Variants in PTCH2 observed in about 807,000 individuals in gnomAD.
PTCH2 encodes the protein patched 2.
PTCH2 carries 96 observed loss-of-function variants against 117.9 expected under a neutral mutation model. The ratio of observed to expected loss-of-function variants is 0.81; its 90% CI spans 0.69 to 0.96. The LOEUF (loss-of-function observed/expected upper bound fraction) is 0.96, where lower values mean the gene tolerates loss of function less well. Among genes scored for constraint, PTCH2 ranks in the 50% least tolerant of loss-of-function variants. The probability of loss-of-function intolerance (pLI) is 0.00; values close to 1 mark genes in which losing one functional copy is unlikely to be tolerated. For missense variants in PTCH2, 1,379 were observed against 1,562.5 expected (o/e 0.88, Z 1.98); for synonymous variants, 615 against 660.9 (o/e 0.93, Z 1.06).
At position 44,827,156 on chromosome 1, in the gene PTCH2, C is replaced by A. The variant is rs757770954; in HGVS notation, c.2514+11G>T. 4 of 1,614,050 alleles carry A rather than the reference C, an allele frequency of 2.5e-6. No homozygotes were observed. The highest frequency in any genetic ancestry group is 1.7e-4 in the Middle Eastern group (1 of 6,060). On this transcript the variant is annotated intron_variant, in intron 16 of 21. Transcript: ENST00000372192. Reference sequence around the variant, plus strand: ...CCCTGTACTAGTGGACCCCTCCAGCCCTCTCCCAACCTGGCTGAAATCCAG... The same window carrying A: ...CCCTGTACTAGTGGACCCCTCCAGCACTCTCCCAACCTGGCTGAAATCCAG...
At chr1:44,842,769 C>T in intron 1 of PTCH2, 92 bp downstream of exon 1, 1 of 1,288,272 alleles carries the variant, frequency 7.8e-7, no homozygotes, top group Non-Finnish European at 1.1e-6. Flanking sequence ...TCTAATGACA[C>T]TCGGCACTTC....
chr1:44,830,148 G>T (rs1177364290), intron 6 of PTCH2, 118 bp from the exon 7 acceptor site: 2 of 1,393,002 alleles, frequency 1.4e-6, no homozygotes, highest in East Asian at 4.7e-5. Flanking sequence ...TGGAGTGTAG[G>T]TAACTATTCT....
At chr1:44,824,281 A>G (rs1444007096) in intron 19 of PTCH2, among the ~76,000 whole-genome samples, 1 of 152,116 alleles carries the variant, frequency 6.6e-6, no homozygotes, top group Non-Finnish European at 1.5e-5. Context: ...TTCAAGGATC[A>G]TATATTGTTT....
At chr1:44,842,180 GC>G (rs1253456078) in intron 1 of PTCH2, 141 bp from the exon 2 acceptor site, 23 of 776,168 alleles carry the variant, frequency 3.0e-5, no homozygotes, top group South Asian at 4.6e-5. Flanking sequence ...ACAGACACAG[GC>G]CCAGACTTGG....
chr1:44,825,138 CT>C (rs1202004434), intron 19 of PTCH2, among the ~76,000 whole-genome samples: 1 of 151,788 alleles, frequency 6.6e-6, no homozygotes, highest in Non-Finnish European at 1.5e-5. Flanking sequence ...TCTCTCTCTT[CT>C]TTTTTTTCTT....
At position 44,832,243 on chromosome 1, in the gene PTCH2, C is replaced by T. The variant is rs1653490020; in HGVS notation, c.364G>A (p.Glu122Lys). ...SQMLIQTARQ[E>K]GENILTPEAL... Reference sequence around the variant, plus strand: ...TCGGGTGTGAGGATGTTCTCTCCCTCCTGGCGTGCGGTCTGTATCAGCATC... The same window carrying T: ...TCGGGTGTGAGGATGTTCTCTCCCTTCTGGCGTGCGGTCTGTATCAGCATC... The change falls in exon 3 of 22, where the codon GAG becomes AAG. Residue 122 changes from glutamate (E) to lysine (K), a missense_variant. Coordinates refer to ENST00000372192, the MANE Select transcript of PTCH2 (RefSeq NM_003738.5). 6.2e-7 allele frequency: 1 copy of T among 1,614,092 alleles called. No homozygotes were observed. The highest frequency in any genetic ancestry group is 1.3e-5 in the African/African-American group (1 of 74,926).
rs145383991 is a variant in PTCH2 at position 44,827,887 on chromosome 1, C to T, written c.2014G>A (p.Ala672Thr). ...AGCAACGGGGCAAACTGATAGCGGG[C>T]GAAATGGGCAAGATTCCAGCGGGCA... ...PCARWNLAHF[A>T]RYQFAPLLLQ... is the part of the protein sequence containing the mutation. The change falls in exon 14 of 22, where the codon GCC (alanine) becomes ACC (threonine). Residue 672 changes from alanine to threonine, a missense_variant. Transcript: ENST00000372192. 30 of 1,614,048 alleles carry T rather than the reference C, an allele frequency of 1.9e-5. No individual in the cohort carries two copies. Among genetic ancestry groups the T allele is most frequent in the Non-Finnish European group, 2.4e-5 (28 of 1,180,054 alleles).
rs746579881 is a variant in PTCH2, at chr1:44,823,205, G to A, written c.3258-37C>T. 6 of 1,614,052 alleles carry A rather than the reference G, an allele frequency of 3.7e-6. No homozygotes were observed. The highest frequency in any genetic ancestry group is 4.2e-6 in the Non-Finnish European group (5 of 1,180,006). On this transcript the variant is annotated intron_variant, in intron 20 of 21. Transcript: ENST00000372192. The surrounding 1 kb of genome is among the most constrained non-coding windows in gnomAD (Gnocchi z 5.1). ...GTGTGGGGGGAGTCAGCCCAGGCCTGTCCTGAGCCCTGCCTCCCTGCCCCG... is the reference window on the plus strand; with the variant it reads ...GTGTGGGGGGAGTCAGCCCAGGCCTATCCTGAGCCCTGCCTCCCTGCCCCG...
At chr1:44,820,496 C>T (rs1381496181), downstream of PTCH2, 4 of 684,544 alleles carry the variant, frequency 5.8e-6, no homozygotes, top group Non-Finnish European at 1.1e-5. Context: ...GACCCCACCC[C>T]TCCTGGAGGA....
At position 44,826,355 on chromosome 1, in the gene PTCH2, G is replaced by T. The variant is rs763802801; in HGVS notation, c.3009C>A (p.Leu1003=). The T allele has an allele frequency of 6.2e-7, 1 of 1,614,138 alleles. No individual in the cohort carries two copies. Among genetic ancestry groups the T allele is most frequent in the African/African-American group, 1.3e-5 (1 of 75,042 alleles). ...TGCCCAGGAAACCCATGATACCAAA[G>T]AGTTCCACTGTCATCATCGCCAGGA... ...VLVLAMMTVE[L]FGIMGFLGIK... is the part of the protein sequence containing the mutation. The change falls in exon 19 of 22, where the codon CTC becomes CTA. Residue 1003 remains leucine, a synonymous_variant. Coordinates refer to ENST00000372192, the MANE Select transcript of PTCH2 (RefSeq NM_003738.5). The surrounding 1 kb of genome is among the most constrained non-coding windows in gnomAD (Gnocchi z 5.1).
In PTCH2 at chr1:44,829,587, AC is replaced by A. The variant is rs761512438; in HGVS notation, c.1083+26del. The stretch of plus-strand genomic sequence containing the variant: ...CAGGAGGAGGGAATGGCCTCAGGGC[AC>A]CCCCCTTGTCCTTGTCCATACCGAC... On this transcript the variant is annotated intron_variant, in intron 8 of 21. Transcript: ENST00000372192. 3.3e-5 allele frequency: 53 copies of A among 1,613,962 alleles called. 1 individual carries two copies. In the African/African-American group the frequency reaches 3.9e-4, roughly 12 times the overall value.
At chr1:44,838,215 G>A (rs1040922142) in intron 2 of PTCH2, among the ~76,000 whole-genome samples, 6 of 152,206 alleles carry the variant, frequency 3.9e-5, no homozygotes, top group Non-Finnish European at 8.8e-5. Flanking sequence ...TATTTAAGTG[G>A]ATGGTGATTC....
At position 44,828,497 on chromosome 1, in the gene PTCH2, A is replaced by G; in HGVS notation, c.1590+9T>C. 2 of 1,614,160 alleles carry G rather than the reference A, an allele frequency of 1.2e-6. No homozygotes were observed. The highest frequency in any genetic ancestry group is 1.7e-6 in the Non-Finnish European group (2 of 1,180,020). The stretch of plus-strand genomic sequence containing the variant: ...CCCACCCTGAGCTGCCCCGTGTGAG[A>G]GGCCTCACCTGTAGGGAGAAGGCTC... On this transcript the variant is annotated intron_variant, in intron 12 of 21. Coordinates refer to ENST00000372192, the MANE Select transcript of PTCH2 (RefSeq NM_003738.5).
Position 44,826,499 on chromosome 1 carries a change from C to A in PTCH2, c.2965G>T (p.Ala989Ser), listed in dbSNP as rs1298867644. Reference sequence around the variant, plus strand: ...CTGCAAGCACTCACTATGAGGCCAGCCGTCCAGGGGTTGAGGAGCAGCAGA... The same window carrying A: ...CTGCAAGCACTCACTATGAGGCCAGACGTCCAGGGGTTGAGGAGCAGCAGA... The part of the protein sequence containing the change: ...CALLLLNPWT[A>S]GLIVLVLAMM... The change falls in exon 18 of 22, where the codon GCT (alanine) becomes TCT (serine). Residue 989 changes from alanine (A) to serine (S), a missense_variant. By Grantham distance (99) the Ala-to-Ser change is moderately conservative (BLOSUM62 1). Transcript: ENST00000372192. This position sits in a 1 kb window ranked among gnomAD's most constrained non-coding sequence, Gnocchi z 5.1. 5.0e-6 allele frequency: 8 copies of A among 1,613,880 alleles called. No homozygotes were observed. The highest frequency in any genetic ancestry group is 3.3e-5 in the Admixed American group (2 of 60,000).
At chr1:44,842,405 G>A (rs1292244459) in intron 1 of PTCH2, among the ~76,000 whole-genome samples, 1 of 149,436 alleles carries the variant, frequency 6.7e-6, no homozygotes, top group Non-Finnish European at 1.5e-5. Context: ...TCAGCCTCCC[G>A]AGTAGTTGGG....
chr1:44,828,186 C>G lies in PTCH2; in HGVS notation c.1715G>C (p.Cys572Ser), dbSNP rs2148876058. 1 of 1,613,538 alleles carries G rather than the reference C, an allele frequency of 6.2e-7. No homozygotes were observed. The highest frequency in any genetic ancestry group is 8.5e-7 in the Non-Finnish European group (1 of 1,179,988). Residue 572 changes from cysteine (C) to serine (S), a missense_variant, in exon 14 of 22, where the codon TGC (cysteine) becomes TCC (serine). Physicochemically the swap from Cys to Ser is moderately radical, Grantham distance 112. Coordinates refer to ENST00000372192, the MANE Select transcript of PTCH2 (RefSeq NM_003738.5). ...LDVLCCFSSP[C>S]SAQVIQILPQ... Reference sequence around the variant, plus strand: ...CAGGATCTGAATCACCTGAGCAGAGCAGGGACTGGAAGAGGTAGAGAGTGG... The same window carrying G: ...CAGGATCTGAATCACCTGAGCAGAGGAGGGACTGGAAGAGGTAGAGAGTGG...
chr1:44,843,120 C>T lies in PTCH2; in HGVS notation c.-188G>A, dbSNP rs1654026379. 3.0e-6 allele frequency: 4 copies of T among 1,321,978 alleles called. No homozygotes were observed. Among genetic ancestry groups the T allele is most frequent in the Non-Finnish European group, 3.9e-6 (4 of 1,038,252 alleles). The allele number at this position is 1,321,978 out of a possible 1,614,324, so 81.9% of individuals were successfully genotyped here. On this transcript the variant is annotated 5_prime_UTR_variant, in exon 1 of 22. Transcript: ENST00000372192. The stretch of plus-strand genomic sequence containing the variant: ...TGGGAGGGAGGAGTGCAGGGAGCTG[C>T]GGGTCCGGGGCGCGGCGCCGGGATT...
chr1:44,842,022 C>T lies in PTCH2; in HGVS notation c.90G>A (p.Leu30=), dbSNP rs45573433. Residue 30 remains leucine, a synonymous_variant, in exon 2 of 22, where the codon CTG becomes CTA. Transcript: ENST00000372192. ...AAGCACGAAGCCAGAGTGGAGCCTT[C>T]AGGCTCCCAGCTAGGATCTGGGATG... ...TAAPQILAGS[L]KAPLWLRAYF... 18,957 of 1,613,006 alleles carry T rather than the reference C, an allele frequency of 0.012. 127 individuals are homozygous for T. The highest frequency in any genetic ancestry group is 0.013 in the Non-Finnish European group (15,460 of 1,179,180).
In PTCH2 at chr1:44,827,953, C is replaced by T. The variant is rs1653238322; in HGVS notation, c.1948G>A (p.Glu650Lys). The part of the protein sequence containing the change: ...GSTRDLLGQE[E>K]ETRQKAACKS... The stretch of plus-strand genomic sequence containing the variant: ...CAGGCTGCCTTCTGCCTTGTCTCCT[C>T]CTCCTGGCCTAGAAGGTCCCGTGTG... Residue 650 changes from glutamate to lysine, a missense_variant, in exon 14 of 22, where the codon GAG (glutamate) becomes AAG (lysine). By Grantham distance (56) the Glu-to-Lys change is moderately conservative. Coordinates refer to ENST00000372192, the MANE Select transcript of PTCH2 (RefSeq NM_003738.5). 6.2e-7 allele frequency: 1 copy of T among 1,614,104 alleles called. No individual in the cohort carries two copies. The highest frequency in any genetic ancestry group is 1.3e-5 in the African/African-American group (1 of 74,948).
Sources: gnomAD v4.1 joint callset for allele counts (sites outside exome capture counted in the v4.1 genomes callset) on GRCh38, gnomAD v4.1.1 for gene constraint, Gnocchi (gnomAD v3.1) non-coding constraint, MANE v1.5 for transcripts, NCBI Gene and HGNC (gene_info 2026-07-23, HGNC 2026-07-21) for gene names.